Variants in CNTNAP2 observed in about 807,000 individuals in gnomAD.
CNTNAP2 encodes contactin associated protein 2, also known as contactin-associated protein-like 2.
Under a neutral mutation model 155.2 loss-of-function variants are expected in CNTNAP2, and 98 were observed. That is an observed-to-expected ratio of 0.63 (90% confidence interval 0.54 to 0.75). The LOEUF is 0.75. CNTNAP2 is among the 30% of genes least tolerant of loss of function. The pLI, the probability that CNTNAP2 is intolerant of heterozygous loss-of-function variation, is 0.00. For missense variants in CNTNAP2, 1,727 were observed against 1,688.1 expected, an observed-to-expected ratio of 1.02 and a Z score of -0.40; for synonymous variants, 651 against 631.2, an observed-to-expected ratio of 1.03 and a Z score of -0.47.
intron 1 of CNTNAP2, among the ~76,000 whole-genome samples, chr7:146,135,164 C>T (rs1797778728): frequency 6.6e-6 from 1 of 152,014 alleles, no homozygotes; most frequent in Non-Finnish European, 1.5e-5. Context: ...TGAAAGATGT[C>T]ATAGAAAATT....
At chr7:146,833,336 C>T (rs1803551991) in intron 2 of CNTNAP2, among the ~76,000 whole-genome samples, 1 of 152,034 alleles carries the variant, frequency 6.6e-6, no homozygotes, top group Admixed American at 6.6e-5. Flanking sequence ...TTTGCATGTT[C>T]TTCTTGACAG....
chr7:146,841,598 T>C (rs1397953789), intron 3 of CNTNAP2, among the ~76,000 whole-genome samples: 1 of 152,100 alleles, frequency 6.6e-6, no homozygotes, highest in Non-Finnish European at 1.5e-5. Flanking sequence ...CAAATTAGCA[T>C]GTTGGTAAAA....
At chr7:146,935,366 T>C (rs990138126) in intron 3 of CNTNAP2, among the ~76,000 whole-genome samples, 1 of 152,194 alleles carries the variant, frequency 6.6e-6, no homozygotes. Context: ...TATATTTTGA[T>C]AGATAAAATA....
intron 1 of CNTNAP2, among the ~76,000 whole-genome samples, chr7:146,500,237 TTCGGGC>T (rs1268519129): frequency 7.2e-6 from 1 of 139,694 alleles, no homozygotes; most frequent in Non-Finnish European, 1.5e-5. Context: ...AACACAGGGG[TTCGGGC>T]TAGGTCCTGC....
chr7:147,577,115 C>T (rs933900218), intron 12 of CNTNAP2, among the ~76,000 whole-genome samples: 25 of 152,056 alleles, frequency 1.6e-4, no homozygotes, highest in South Asian at 2.1e-4. Flanking sequence ...GTTACTTTCA[C>T]GTGACCAGCA....
intron 3 of CNTNAP2, among the ~76,000 whole-genome samples, chr7:146,975,661 C>T (rs1034132168): frequency 1.3e-5 from 2 of 152,032 alleles, no homozygotes; most frequent in African/African-American, 2.4e-5. Context: ...ACAATAACAG[C>T]GGTGATAAAT....
chr7:148,235,685 ATT>A (rs398006723), intron 20 of CNTNAP2, among the ~76,000 whole-genome samples: 3 of 121,950 alleles, frequency 2.5e-5, no homozygotes, highest in Admixed American at 9.5e-5. Flanking sequence ...TGCAGCAATT[ATT>A]TTTTTTTTTT....
chr7:148,385,767 A>AGAC (rs1799180660), intron 22 of CNTNAP2, among the ~76,000 whole-genome samples: 1 of 54,190 alleles, frequency 1.8e-5, no homozygotes, highest in African/African-American at 6.9e-5. Context: ...TTTTGGAGAC[A>AGAC]GACAGAGTCT....
At chr7:146,366,624 G>C (rs1430800674) in intron 1 of CNTNAP2, among the ~76,000 whole-genome samples, 1 of 152,132 alleles carries the variant, frequency 6.6e-6, no homozygotes, top group African/African-American at 2.4e-5. Flanking sequence ...TCTTTGATGT[G>C]TGTTTGTGTA....
intron 13 of CNTNAP2, among the ~76,000 whole-genome samples, chr7:147,877,211 A>G (rs1799437544): frequency 6.6e-6 from 1 of 152,118 alleles, no homozygotes; most frequent in African/African-American, 2.4e-5. Flanking sequence ...GAATTGTATT[A>G]TGTTCAGGAG....
At chr7:147,674,599 G>A (rs1024754395) in intron 13 of CNTNAP2, among the ~76,000 whole-genome samples, 1 of 152,090 alleles carries the variant, frequency 6.6e-6, no homozygotes, top group African/African-American at 2.4e-5. Context: ...ATATTAGAAA[G>A]CAGAATATCT....
At chr7:147,746,987 T>C (rs749825998) in intron 13 of CNTNAP2, among the ~76,000 whole-genome samples, 13 of 152,310 alleles carry the variant, frequency 8.5e-5, no homozygotes, top group East Asian at 1.9e-4. Flanking sequence ...TATAAAGGTA[T>C]GCAAGTAGAG....
intron 6 of CNTNAP2, among the ~76,000 whole-genome samples, chr7:147,127,073 G>T (rs1801255684): frequency 6.6e-6 from 1 of 152,030 alleles, no homozygotes; most frequent in African/African-American, 2.4e-5. Context: ...CTGTCAGTTG[G>T]GGAAAAATTG....
chr7:146,936,495 A>G (rs577583554), intron 3 of CNTNAP2, among the ~76,000 whole-genome samples: 95 of 152,294 alleles, frequency 6.2e-4, no homozygotes, highest in African/African-American at 2.2e-3. Context: ...ACATCGATGA[A>G]TAAAGTTTTG....
chr7:147,832,849 A>G (rs1287636907), intron 13 of CNTNAP2, among the ~76,000 whole-genome samples: 1 of 147,022 alleles, frequency 6.8e-6, no homozygotes, highest in Non-Finnish European at 1.5e-5. Flanking sequence ...ATAGATCATT[A>G]TATTTATACA....
chr7:146,482,996 G>A (rs911326910), intron 1 of CNTNAP2, among the ~76,000 whole-genome samples: 3 of 151,028 alleles, frequency 2.0e-5, no homozygotes, highest in Admixed American at 2.0e-4. Context: ...TATTTTTAAG[G>A]CCGGGTGCGG....
chr7:146,824,014 C>T (rs1803349912), intron 2 of CNTNAP2, among the ~76,000 whole-genome samples: 2 of 152,070 alleles, frequency 1.3e-5, no homozygotes, highest in Non-Finnish European at 2.9e-5. Context: ...TTAGGTATTT[C>T]TCCTAATGCT....
intron 13 of CNTNAP2, among the ~76,000 whole-genome samples, chr7:147,801,925 C>A (rs1797997337): frequency 6.7e-6 from 1 of 150,308 alleles, no homozygotes; most frequent in Non-Finnish European, 1.5e-5. Flanking sequence ...CCCTCACCTC[C>A]TGGACGGGGC....
rs115008974 is a variant in CNTNAP2, at chr7:147,005,793, C to A, written c.403-38114C>A. Among the ~76,000 whole-genome samples the A allele has an allele frequency of 6.6e-3, 1,009 of 152,118 alleles. 6 individuals are homozygous for A. The highest frequency in any genetic ancestry group is 0.023 in the African/African-American group (969 of 41,530). ...CATTCCTTTAGAGATAAGTATTTCT[C>A]TTTAAAAAGAGTAACTTCTACTTCA... On this transcript the variant is annotated intron_variant, in intron 3 of 23. Coordinates refer to ENST00000361727, the MANE Select transcript of CNTNAP2 (RefSeq NM_014141.6).
Sources: allele counts gnomAD v4.1 joint callset (sites outside exome capture counted in the v4.1 genomes callset), GRCh38; gene constraint gnomAD v4.1.1; transcripts MANE v1.5; gene names NCBI Gene and HGNC (gene_info 2026-07-23, HGNC 2026-07-21).